The following UTRN variants were observed in gnomAD, a reference collection of about 807,000 sequenced individuals.
UTRN encodes utrophin.
A neutral mutation model predicts 463.9 loss-of-function variants in UTRN; 283 were observed. The observed-to-expected ratio is 0.61, with a 90% CI of 0.55 to 0.67. The LOEUF (loss-of-function observed/expected upper bound fraction) is 0.67, where lower values mean the gene tolerates loss of function less well. UTRN is among the 30% of genes least tolerant of loss of function. The pLI, the probability that UTRN is intolerant of heterozygous loss-of-function variation, is 0.00. For missense variants in UTRN, 3,922 were observed against 4,084.3 expected (o/e 0.96, Z 1.08); for synonymous variants, 1,442 against 1,431.5 (o/e 1.01, Z -0.17).
intron 53 of UTRN, among the ~76,000 whole-genome samples, chr6:144,705,921 A>C (rs961229513): frequency 8.6e-5 from 13 of 151,686 alleles, no homozygotes; most frequent in African/African-American, 2.7e-4. Flanking sequence ...ATACTAATAT[A>C]AATCTACATT....
intron 54 of UTRN, among the ~76,000 whole-genome samples, chr6:144,743,700 G>A (rs963165166): frequency 2.6e-5 from 4 of 152,104 alleles, no homozygotes; most frequent in African/African-American, 9.7e-5. Context: ...GTGTATTATA[G>A]TCTTCTTCCT....
chr6:144,597,322 T>G (rs1381898210), intron 51 of UTRN, among the ~76,000 whole-genome samples: 1 of 152,186 alleles, frequency 6.6e-6, no homozygotes, highest in African/African-American at 2.4e-5. Context: ...TCATTTACAT[T>G]TAACTGAAAC....
chr6:144,441,174 T>A (rs540056876), intron 13 of UTRN, among the ~76,000 whole-genome samples: 7 of 152,282 alleles, frequency 4.6e-5, no homozygotes, highest in Admixed American at 6.5e-5. Flanking sequence ...TTCCCAACAG[T>A]ACCCCCAAAG....
intron 51 of UTRN, among the ~76,000 whole-genome samples, chr6:144,646,630 TC>T (rs1205280286): frequency 6.6e-6 from 1 of 152,088 alleles, no homozygotes; most frequent in African/African-American, 2.4e-5. Context: ...ATAATACCGA[TC>T]AAGAAATGGG....
chr6:144,803,384 C>T (rs1378118344), intron 65 of UTRN, among the ~76,000 whole-genome samples: 1 of 151,626 alleles, frequency 6.6e-6, no homozygotes, highest in Non-Finnish European at 1.5e-5. Context: ...CTTTTAAGAG[C>T]TGATACTGAC....
chr6:144,835,714 CCTTT>C, intron 69 of UTRN, 62 bp from the exon 70 acceptor site: 2 of 1,591,508 alleles, frequency 1.3e-6, no homozygotes, highest in South Asian at 1.1e-5. Flanking sequence ...ATTTCTACTT[CCTTT>C]ATGTCCAAAA....
intron 50 of UTRN, among the ~76,000 whole-genome samples, chr6:144,563,320 G>C (rs973753132): frequency 6.6e-6 from 1 of 152,096 alleles, no homozygotes; most frequent in Non-Finnish European, 1.5e-5. Flanking sequence ...TACTTTTTCA[G>C]TAATGATGTT....
At chr6:144,800,923 G>A (rs529337490) in intron 64 of UTRN, among the ~76,000 whole-genome samples, 1 of 152,284 alleles carries the variant, frequency 6.6e-6, no homozygotes, top group African/African-American at 2.4e-5. Flanking sequence ...GTGTGCTTTA[G>A]CAAGATGGTA....
At chr6:144,289,000 G>C (rs533371184) in intron 1 of UTRN, among the ~76,000 whole-genome samples, 2 of 152,126 alleles carry the variant, frequency 1.3e-5, no homozygotes, top group African/African-American at 4.8e-5. Context: ...TTGACCTCAA[G>C]TGTTAGCCAG....
chr6:144,318,650 G>A (rs1775432928), intron 2 of UTRN, among the ~76,000 whole-genome samples: 1 of 152,170 alleles, frequency 6.6e-6, no homozygotes, highest in Non-Finnish European at 1.5e-5. Context: ...TTTTAGTAGA[G>A]ATGGGGTTTC....
chr6:144,446,855 A>G (rs1787743761), intron 14 of UTRN, among the ~76,000 whole-genome samples: 1 of 152,240 alleles, frequency 6.6e-6, no homozygotes, highest in Non-Finnish European at 1.5e-5. Context: ...GGGCTGGGAC[A>G]AGACAATCTC....
intron 58 of UTRN, among the ~76,000 whole-genome samples, chr6:144,763,320 A>G (rs886530844): frequency 3.9e-5 from 6 of 152,134 alleles, no homozygotes; most frequent in African/African-American, 1.2e-4. Flanking sequence ...AATTTGTTAC[A>G]TCTCTCTTTA....
chr6:144,761,834 T>C (rs1792724969), intron 58 of UTRN, among the ~76,000 whole-genome samples: 1 of 152,152 alleles, frequency 6.6e-6, no homozygotes, highest in Non-Finnish European at 1.5e-5. Context: ...CCAGGGAATA[T>C]GAGGAATAAG....
At chr6:144,480,926 C>T (rs887317939) in intron 26 of UTRN, among the ~76,000 whole-genome samples, 5 of 151,988 alleles carry the variant, frequency 3.3e-5, no homozygotes, top group Admixed American at 3.3e-4. Context: ...GTTGTTTTTT[C>T]ACTAAAACAT....
intron 33 of UTRN, among the ~76,000 whole-genome samples, chr6:144,495,587 C>T (rs1048350053): frequency 1.3e-5 from 2 of 152,212 alleles, no homozygotes; most frequent in East Asian, 3.9e-4. Flanking sequence ...GAAAGGGGTT[C>T]CCACAGTGCA....
chr6:144,530,043 T>C (rs1318971445), intron 41 of UTRN, among the ~76,000 whole-genome samples: 1 of 152,232 alleles, frequency 6.6e-6, no homozygotes, highest in Non-Finnish European at 1.5e-5. Flanking sequence ...GGGCTCTGCA[T>C]GCAATTTCAT....
intron 51 of UTRN, among the ~76,000 whole-genome samples, chr6:144,624,655 A>G (rs775555214): frequency 6.6e-5 from 10 of 152,140 alleles, no homozygotes; most frequent in Non-Finnish European, 1.5e-4. Context: ...AGAAGGGGCA[A>G]TGGGAAGGAG....
chr6:144,498,525 T>C (rs1793872083), intron 33 of UTRN, among the ~76,000 whole-genome samples: 1 of 152,228 alleles, frequency 6.6e-6, no homozygotes. Flanking sequence ...CTCAAGTTAC[T>C]ATAATACCGT....
At chr6:144,796,526 A>G (rs1244936695) in intron 63 of UTRN, among the ~76,000 whole-genome samples, 2 of 152,250 alleles carry the variant, frequency 1.3e-5, no homozygotes, top group Admixed American at 6.5e-5. Context: ...AGATGTTATT[A>G]AAGTATCAGT....
Sources: allele counts gnomAD v4.1 joint callset (sites outside exome capture counted in the v4.1 genomes callset), GRCh38; gene constraint gnomAD v4.1.1; transcripts MANE v1.5; gene names NCBI Gene and HGNC (gene_info 2026-07-23, HGNC 2026-07-21).